TRAPPC9: variants seen among roughly 807,000 people sequenced by gnomAD.
The protein encoded by TRAPPC9 is trafficking protein particle complex subunit 9, also known as IKK2 binding protein.
Under a neutral mutation model 124.0 loss-of-function variants are expected in TRAPPC9, and 83 were observed. That is an observed-to-expected ratio of 0.67 (90% CI 0.56 to 0.80). TRAPPC9 has a LOEUF of 0.80. Ranked by LOEUF, TRAPPC9 falls within the 30% of genes least tolerant of loss-of-function variation. TRAPPC9 has a pLI of 0.00. For synonymous variants in TRAPPC9, 638 were observed against 617.5 expected, an observed-to-expected ratio of 1.03 and a Z score of -0.49; for missense variants, 1,302 against 1,508.3, an observed-to-expected ratio of 0.86 and a Z score of 2.27.
At chr8:140,350,663 C>T (rs2067538357) in intron 9 of TRAPPC9, among the ~76,000 whole-genome samples, 1 of 152,004 alleles carries the variant, frequency 6.6e-6, no homozygotes, top group Non-Finnish European at 1.5e-5. Flanking sequence ...GGAGGTGAGC[C>T]CTCATGCAGA....
At chr8:139,994,488 G>C (rs543573960) in intron 18 of TRAPPC9, among the ~76,000 whole-genome samples, 1 of 152,338 alleles carries the variant, frequency 6.6e-6, no homozygotes, top group East Asian at 1.9e-4. Context: ...AAGGCAGTTA[G>C]AATATTCCAG....
intron 21 of TRAPPC9, among the ~76,000 whole-genome samples, chr8:139,755,825 A>G (rs1158102369): frequency 2.0e-4 from 27 of 138,314 alleles, no homozygotes; most frequent in African/African-American, 7.4e-4. Context: ...TAAGGACAGC[A>G]GGTCGCAGGA....
intron 21 of TRAPPC9, among the ~76,000 whole-genome samples, chr8:139,809,437 G>A (rs1183968700): frequency 6.6e-6 from 1 of 152,228 alleles, no homozygotes; most frequent in African/African-American, 2.4e-5. Flanking sequence ...GCAACTTCCT[G>A]CGCCAGACAG....
chr8:140,356,856 C>T (rs1588208538), intron 9 of TRAPPC9, among the ~76,000 whole-genome samples: 1 of 152,032 alleles, frequency 6.6e-6, no homozygotes, highest in East Asian at 1.9e-4. Flanking sequence ...GTGATCCGCC[C>T]GTCTCACCCT....
intron 9 of TRAPPC9, among the ~76,000 whole-genome samples, chr8:140,331,617 A>AATCATCATC (rs57241018): frequency 0.12 from 17,722 of 150,536 alleles, 1,323 homozygotes; most frequent in African/African-American, 0.21. Flanking sequence ...AACAGCAAAA[A>AATCATCATC]ATCATCATCA....
intron 9 of TRAPPC9, among the ~76,000 whole-genome samples, chr8:140,358,054 C>T (rs1487909474): frequency 6.6e-6 from 1 of 152,166 alleles, no homozygotes; most frequent in Admixed American, 6.5e-5. Flanking sequence ...AACAAAGAAC[C>T]ACAGGGGTTC....
intron 17 of TRAPPC9, chr8:140,100,102 C>G (rs1307609325): frequency 6.6e-6 from 1 of 151,972 alleles, no homozygotes; most frequent in East Asian, 1.9e-4. Context: ...CAGCCAAGAG[C>G]AAGGGACTGC....
intron 21 of TRAPPC9, among the ~76,000 whole-genome samples, chr8:139,735,064 C>A (rs1449424744): frequency 6.6e-6 from 1 of 152,212 alleles, no homozygotes; most frequent in Non-Finnish European, 1.5e-5. Flanking sequence ...GTACTTCCAG[C>A]AGTGCCTGAT....
intron 18 of TRAPPC9, among the ~76,000 whole-genome samples, chr8:140,021,240 T>C (rs1020681422): frequency 6.6e-6 from 1 of 152,240 alleles, no homozygotes; most frequent in Non-Finnish European, 1.5e-5. Flanking sequence ...AAATATTCCA[T>C]TTTATGTCTT....
chr8:139,780,821 G>A (rs1821766951), intron 21 of TRAPPC9, among the ~76,000 whole-genome samples: 1 of 151,576 alleles, frequency 6.6e-6, no homozygotes, highest in Non-Finnish European at 1.5e-5. Flanking sequence ...AAATCCCAAT[G>A]ATAAGAAAAC....
intron 21 of TRAPPC9, among the ~76,000 whole-genome samples, chr8:139,861,510 T>G (rs1410886377): frequency 6.6e-6 from 1 of 152,116 alleles, no homozygotes; most frequent in Non-Finnish European, 1.5e-5. Context: ...TTGGGAAAGT[T>G]GTTTACTGAA....
intron 21 of TRAPPC9, among the ~76,000 whole-genome samples, chr8:139,819,262 G>A (rs1825083032): frequency 6.6e-6 from 1 of 152,144 alleles, no homozygotes. Context: ...GGACCATCTA[G>A]TCTAGCTGCA....
intron 17 of TRAPPC9, among the ~76,000 whole-genome samples, chr8:140,190,344 G>A (rs922034575): frequency 1.3e-5 from 2 of 152,276 alleles, no homozygotes; most frequent in Middle Eastern, 3.4e-3. Flanking sequence ...TGTAATCCCA[G>A]CTACTCGGGA....
chr8:140,313,327 T>G (rs1472204953), intron 9 of TRAPPC9, among the ~76,000 whole-genome samples: 1 of 152,132 alleles, frequency 6.6e-6, no homozygotes, highest in East Asian at 1.9e-4. Flanking sequence ...GCTGCTGAAA[T>G]AAAGGGATCT....
At chr8:140,141,439 T>C (rs2130775453) in intron 17 of TRAPPC9, among the ~76,000 whole-genome samples, 1 of 152,092 alleles carries the variant, frequency 6.6e-6, no homozygotes, top group East Asian at 1.9e-4. Context: ...ACACATAAGG[T>C]TCAGTACTAT....
intron 19 of TRAPPC9, among the ~76,000 whole-genome samples, chr8:139,979,369 G>T (rs1027250518): frequency 6.6e-6 from 1 of 152,200 alleles, no homozygotes; most frequent in Admixed American, 6.5e-5. Flanking sequence ...CAAGCCAAAC[G>T]TCTCTAGCCC....
At chr8:140,228,741 A>G (rs1453836904) in intron 16 of TRAPPC9, among the ~76,000 whole-genome samples, 1 of 152,240 alleles carries the variant, frequency 6.6e-6, no homozygotes, top group Non-Finnish European at 1.5e-5. Context: ...TGTGGGGACG[A>G]TTGCACAACC....
At chr8:139,738,370 G>C (rs1474253608) in intron 21 of TRAPPC9, among the ~76,000 whole-genome samples, 1 of 152,218 alleles carries the variant, frequency 6.6e-6, no homozygotes, top group African/African-American at 2.4e-5. Flanking sequence ...CCCAGTCCCG[G>C]GAGCCTGTAT....
At chr8:140,355,163 G>T (rs1310844411) in intron 9 of TRAPPC9, among the ~76,000 whole-genome samples, 1 of 152,136 alleles carries the variant, frequency 6.6e-6, no homozygotes, top group Non-Finnish European at 1.5e-5. Flanking sequence ...CAATCACAGT[G>T]TGCGTCCCCT....
Sources: gnomAD v4.1 joint callset for allele counts (sites outside exome capture counted in the v4.1 genomes callset) on GRCh38, gnomAD v4.1.1 for gene constraint, MANE v1.5 for transcripts, NCBI Gene and HGNC (gene_info 2026-07-23, HGNC 2026-07-21) for gene names.